Variants in ZNF804A observed in about 807,000 individuals in gnomAD.
ZNF804A encodes the protein zinc finger protein 804A.
ZNF804A carries 2 observed loss-of-function variants against 16.5 expected under a neutral mutation model. The ratio of observed to expected loss-of-function variants is 0.12; its 90% CI spans 0.05 to 0.38. The LOEUF (loss-of-function observed/expected upper bound fraction) is 0.38. Ranked by LOEUF, ZNF804A falls within the 10% of genes least tolerant of loss-of-function variation. ZNF804A has a pLI of 0.99. For synonymous variants in ZNF804A, 534 were observed against 489.6 expected (o/e 1.09, Z -1.20); for missense variants, 1,473 against 1,390.7 (o/e 1.06, Z -0.94).
chr2:184,832,169 C>T (rs180887834), intron 1 of ZNF804A, among the ~76,000 whole-genome samples: 3 of 152,044 alleles, frequency 2.0e-5, no homozygotes, highest in African/African-American at 7.2e-5. Context: ...TCCTCCAGTC[C>T]ATAAGAAGCT....
chr2:184,690,219 A>C (rs1468214428), intron 1 of ZNF804A, among the ~76,000 whole-genome samples: 1 of 151,930 alleles, frequency 6.6e-6, no homozygotes, highest in African/African-American at 2.4e-5. Context: ...TATAATAAAA[A>C]TGTTAAAGCT....
chr2:184,787,746 A>C (rs1293694955), intron 1 of ZNF804A, among the ~76,000 whole-genome samples: 1 of 147,908 alleles, frequency 6.8e-6, no homozygotes, highest in Non-Finnish European at 1.5e-5. Context: ...TAGTTTTTGT[A>C]TATTTGACCT....
chr2:184,672,592 G>GA (rs1692354061), intron 1 of ZNF804A, among the ~76,000 whole-genome samples: 1 of 151,782 alleles, frequency 6.6e-6, no homozygotes, highest in African/African-American at 2.4e-5. Context: ...ATGACTACCA[G>GA]AAATTTAACC....
intron 1 of ZNF804A, among the ~76,000 whole-genome samples, chr2:184,851,250 G>A (rs1695598171): frequency 6.6e-6 from 1 of 151,708 alleles, no homozygotes; most frequent in Non-Finnish European, 1.5e-5. Flanking sequence ...TTGTTATTAA[G>A]TATAGTCACC....
At position 184,939,077 on chromosome 2, in the gene ZNF804A, C is replaced by G. The variant is rs370374059; in HGVS notation, c.*51C>G. The G allele has an allele frequency of 1.3e-6, 2 of 1,576,914 alleles. No individual in the cohort carries two copies. The highest frequency in any genetic ancestry group is 1.3e-5 in the African/African-American group (1 of 74,122). ...CTCTTGTGAAAACTATTGCTATATG[C>G]GTTAAGTGTTCATCTATGTGGGTAC... On this transcript the variant is annotated 3_prime_UTR_variant, in exon 4 of 4. Coordinates refer to ENST00000302277, the MANE Select transcript of ZNF804A (RefSeq NM_194250.2).
chr2:184,827,264 A>G lies in ZNF804A; in HGVS notation c.112-39105A>G, dbSNP rs189940607. ...ATAATATGGCTCTTCATTGAAATAG[A>G]TATTATATAACATTAAATGTTGAAA... On this transcript the variant is annotated intron_variant, in intron 1 of 3. Coordinates refer to ENST00000302277, the MANE Select transcript of ZNF804A (RefSeq NM_194250.2). Among the ~76,000 whole-genome samples, 1,135 of 151,262 alleles carry G rather than the reference A, an allele frequency of 7.5e-3. 17 individuals carry two copies. The highest frequency in any genetic ancestry group is 0.026 in the African/African-American group (1,078 of 41,366).
chr2:184,746,388 C>T (rs1693789979), intron 1 of ZNF804A, among the ~76,000 whole-genome samples: 2 of 150,886 alleles, frequency 1.3e-5, no homozygotes, highest in South Asian at 4.2e-4. Context: ...ACTATGAGAT[C>T]GATGAAAAAA....
chr2:184,878,651 A>C (rs910681980), intron 2 of ZNF804A, among the ~76,000 whole-genome samples: 15 of 152,074 alleles, frequency 9.9e-5, no homozygotes, highest in Admixed American at 2.6e-4. Flanking sequence ...TTGGAATACT[A>C]TTCATTTTCT....
At chr2:184,737,909 A>C (rs547871042) in intron 1 of ZNF804A, among the ~76,000 whole-genome samples, 2 of 152,154 alleles carry the variant, frequency 1.3e-5, no homozygotes, top group Non-Finnish European at 2.9e-5. Flanking sequence ...TGATCACCTG[A>C]GGTCGGGAGT....
intron 2 of ZNF804A, among the ~76,000 whole-genome samples, chr2:184,891,287 C>T (rs183171685): frequency 2.0e-5 from 3 of 152,128 alleles, no homozygotes; most frequent in Admixed American, 1.3e-4. Context: ...CTGCCTGGAT[C>T]GTTCTTTGTC....
chr2:184,827,603 G>A (rs959355668), intron 1 of ZNF804A, among the ~76,000 whole-genome samples: 1 of 150,408 alleles, frequency 6.6e-6, no homozygotes, highest in Admixed American at 6.7e-5. Context: ...CCAACCATCT[G>A]CTTCAGGCAA....
At chr2:184,881,584 C>T (rs1222855630) in intron 2 of ZNF804A, among the ~76,000 whole-genome samples, 5 of 151,988 alleles carry the variant, frequency 3.3e-5, no homozygotes, top group Non-Finnish European at 5.9e-5. Context: ...TCAGCAGAAA[C>T]CTTAGAAGCT....
At chr2:184,878,893 A>G (rs940649524) in intron 2 of ZNF804A, among the ~76,000 whole-genome samples, 1 of 152,046 alleles carries the variant, frequency 6.6e-6, no homozygotes, top group Non-Finnish European at 1.5e-5. Context: ...TTTTCAAATT[A>G]TATCAAATTT....
chr2:184,762,080 G>GTC lies in ZNF804A; in HGVS notation c.112-104279_112-104278dup, dbSNP rs531428773. On this transcript the variant is annotated intron_variant, in intron 1 of 3. Coordinates refer to ENST00000302277, the MANE Select transcript of ZNF804A (RefSeq NM_194250.2). ...ATATATCTCTGTCACATTCCATGAT[G>GTC]TCTCTCTCTCTTTTTTTTTCTCACA... Among the ~76,000 whole-genome samples, 321 of 152,006 alleles carry GTC rather than the reference G, an allele frequency of 2.1e-3. 1 individual carries two copies. The highest frequency in any genetic ancestry group is 7.3e-3 in the African/African-American group (305 of 41,510).
At chr2:184,719,280 A>C (rs1420587290) in intron 1 of ZNF804A, among the ~76,000 whole-genome samples, 1 of 151,828 alleles carries the variant, frequency 6.6e-6, no homozygotes, top group Admixed American at 6.6e-5. Flanking sequence ...CCCACCCATG[A>C]AACCATTTTT....
chr2:184,735,550 C>G (rs1312866584), intron 1 of ZNF804A, among the ~76,000 whole-genome samples: 1 of 152,126 alleles, frequency 6.6e-6, no homozygotes, highest in Admixed American at 6.5e-5. Context: ...TGTAACAAAC[C>G]TGCATGTTCT....
At chr2:184,910,410 T>C (rs933974552) in intron 2 of ZNF804A, among the ~76,000 whole-genome samples, 94 of 152,174 alleles carry the variant, frequency 6.2e-4, no homozygotes, top group African/African-American at 2.2e-3. Flanking sequence ...ATCTTTGCTA[T>C]TGTGAATAGT....
intron 1 of ZNF804A, among the ~76,000 whole-genome samples, chr2:184,738,769 G>C (rs764374157): frequency 4.9e-4 from 75 of 152,260 alleles, no homozygotes; most frequent in South Asian, 1.9e-3. Flanking sequence ...TAAACACAAT[G>C]TGTACAACTG....
chr2:184,723,968 A>G (rs1335995599), intron 1 of ZNF804A, among the ~76,000 whole-genome samples: 1 of 151,814 alleles, frequency 6.6e-6, no homozygotes, highest in Admixed American at 6.6e-5. Context: ...GAAAATTAAC[A>G]TACTTAGAAA....
Sources: gnomAD v4.1 joint callset for allele counts (sites outside exome capture counted in the v4.1 genomes callset) on GRCh38, gnomAD v4.1.1 for gene constraint, MANE v1.5 for transcripts, NCBI Gene and HGNC (gene_info 2026-07-23, HGNC 2026-07-21) for gene names.